BOP1: variants seen among roughly 807,000 people sequenced by gnomAD.
BOP1 encodes BOP1 ribosomal biogenesis factor, also known as ribosome biogenesis protein BOP1.
A neutral mutation model predicts 82.9 loss-of-function variants in BOP1; 54 were observed. That is an observed-to-expected ratio of 0.65 (90% CI 0.52 to 0.82). The LOEUF (loss-of-function observed/expected upper bound fraction) is 0.82, where lower values mean the gene tolerates loss of function less well. Ranked by LOEUF, BOP1 falls within the 40% of genes least tolerant of loss-of-function variation. The pLI is 0.00. For synonymous variants in BOP1, 566 were observed against 451.1 expected (o/e 1.25, Z -3.23); for missense variants, 1,170 against 1,072.0 (o/e 1.09, Z -1.28).
At chr8:144,270,496 G>A (rs937668029) in intron 3 of BOP1, among the ~76,000 whole-genome samples, 1 of 152,162 alleles carries the variant, frequency 6.6e-6, no homozygotes, top group Non-Finnish European at 1.5e-5. Flanking sequence ...CTGCAGCTTG[G>A]CCAGCCTCAG....
chr8:144,280,628 G>C (rs11986868), intron 2 of BOP1, among the ~76,000 whole-genome samples: 13 of 152,226 alleles, frequency 8.5e-5, no homozygotes, highest in Non-Finnish European at 1.5e-4. Flanking sequence ...CGAGGCAGGC[G>C]GATCAGTTGA....
chr8:144,284,738 C>T (rs1192789728), intron 2 of BOP1, among the ~76,000 whole-genome samples: 1 of 152,190 alleles, frequency 6.6e-6, no homozygotes, highest in Non-Finnish European at 1.5e-5. Context: ...TAGAACACCA[C>T]GTGCAGCTGC....
Position 144,262,448 on chromosome 8 carries a change from CAA to C in BOP1, c.2033_2034del (p.Phe678CysfsTer19), listed in dbSNP as rs1845225194. ...AVAFHPRYPL[F>X]ASGSDDGSVI... The stretch of plus-strand genomic sequence containing the variant: ...ACACTGCCGTCGTCCGAGCCTGACG[CAA>C]AGAGTGGGTACCGCGGGTGGAAGGC... On this transcript the variant is annotated frameshift_variant, in exon 15 of 16. Coordinates refer to ENST00000569669, the MANE Select transcript of BOP1 (RefSeq NM_015201.5). LOFTEE classifies it high-confidence loss of function. 3 of 1,612,934 alleles carry C rather than the reference CAA, an allele frequency of 1.9e-6. No homozygotes were observed. Among genetic ancestry groups the C allele is most frequent in the Non-Finnish European group, 2.5e-6 (3 of 1,179,834 alleles).
intron 2 of BOP1, among the ~76,000 whole-genome samples, chr8:144,287,872 T>C (rs1814924731): frequency 6.6e-6 from 1 of 152,190 alleles, no homozygotes; most frequent in African/African-American, 2.4e-5. Context: ...CATGGTTCCT[T>C]GGCTTCTATC....
chr8:144,285,026 C>T (rs558640354), intron 2 of BOP1, among the ~76,000 whole-genome samples: 4 of 152,300 alleles, frequency 2.6e-5, no homozygotes, highest in South Asian at 2.1e-4. Flanking sequence ...CGCCCCGGGC[C>T]GGTCTGGGTT....
chr8:144,286,655 G>A (rs1814885209), intron 2 of BOP1, among the ~76,000 whole-genome samples: 1 of 152,252 alleles, frequency 6.6e-6, no homozygotes, highest in Non-Finnish European at 1.5e-5. Context: ...GCAGGTGCAT[G>A]AGCGCCACAA....
chr8:144,289,275 G>A lies in BOP1; in HGVS notation c.129C>T (p.Ser43=), dbSNP rs1483094910. The A allele has an allele frequency of 6.2e-7, 1 of 1,613,972 alleles. No individual in the cohort carries two copies. The highest frequency in any genetic ancestry group is 8.5e-7 in the Non-Finnish European group (1 of 1,180,032). The change falls in exon 2 of 16, where the codon AGC becomes AGT. Residue 43 remains serine, a synonymous_variant. Transcript: ENST00000569669. ...EPPLLCTSPL[S]HSTGSDSGVS... is the part of the protein sequence containing the mutation. ...CGCCAGAATCGCTGCCGGTGCTGTGGCTGAGAGGAGAGGTGCAGAGGAGGG... is the reference window on the plus strand; with the variant it reads ...CGCCAGAATCGCTGCCGGTGCTGTGACTGAGAGGAGAGGTGCAGAGGAGGG...
chr8:144,285,837 G>T (rs949970688), intron 2 of BOP1, among the ~76,000 whole-genome samples: 1 of 152,248 alleles, frequency 6.6e-6, no homozygotes, highest in African/African-American at 2.4e-5. Flanking sequence ...CCCACGATGC[G>T]AGTGGGAGGT....
At chr8:144,270,945 G>A (rs1207732333) in intron 3 of BOP1, among the ~76,000 whole-genome samples, 5 of 152,250 alleles carry the variant, frequency 3.3e-5, no homozygotes, top group Non-Finnish European at 7.4e-5. Flanking sequence ...TCCCCGGCCT[G>A]GGGAACGAGC....
rs199980866 is a variant in BOP1, at chr8:144,289,140, G to A, written c.264C>T (p.Asp88=). The change falls in exon 2 of 16, where the codon GAC becomes GAT. Residue 88 remains aspartate (D), a synonymous_variant. Coordinates refer to ENST00000569669, the MANE Select transcript of BOP1 (RefSeq NM_015201.5). ...DEEGEDGALD[D]EGHSGIKKTT... Reference sequence around the variant, plus strand: ...TCTTTTTAATCCCACTGTGGCCCTCGTCATCAAGGGCTCCGTCCTCTCCCT... The same window carrying A: ...TCTTTTTAATCCCACTGTGGCCCTCATCATCAAGGGCTCCGTCCTCTCCCT... 4.4e-5 allele frequency: 71 copies of A among 1,614,118 alleles called. No homozygotes were observed. The highest frequency in any genetic ancestry group is 5.2e-5 in the Non-Finnish European group (61 of 1,180,012).
At chr8:144,288,087 G>GA (rs1554839646) in intron 2 of BOP1, among the ~76,000 whole-genome samples, 1 of 151,268 alleles carries the variant, frequency 6.6e-6, no homozygotes, top group Non-Finnish European at 1.5e-5. Context: ...CCAACATGGT[G>GA]AAACCCCGTC....
Position 144,263,141 on chromosome 8 carries a change from G to A in BOP1, c.1606C>T (p.Pro536Ser). The A allele has an allele frequency of 1.3e-6, 2 of 1,593,732 alleles. No homozygotes were observed. The highest frequency in any genetic ancestry group is 1.7e-6 in the Non-Finnish European group (2 of 1,178,800). ...CCGTGCCAGGTCACCTGCGTCACTG[G>A]CTGCAGGAGAGCAAGGCTGGCTGAG... ...GLRLRICHGKPVTQVTWHGRG... is the reference protein window; with the variant it reads ...GLRLRICHGKSVTQVTWHGRG... Residue 536 changes from proline to serine, a missense_variant and splice_region_variant, in exon 13 of 16, where the codon CCA becomes TCA. Pro to Ser is a moderately conservative substitution (Grantham distance 74). Transcript: ENST00000569669.
intron 3 of BOP1, among the ~76,000 whole-genome samples, chr8:144,273,668 C>A (rs1376047335): frequency 2.0e-5 from 3 of 152,220 alleles, no homozygotes; most frequent in African/African-American, 4.8e-5. Flanking sequence ...GCCCCTCCAC[C>A]CCGGCCCACC....
chr8:144,267,096 G>A, intron 3 of BOP1: 1 of 1,403,806 alleles, frequency 7.1e-7, no homozygotes, highest in South Asian at 1.6e-5. Context: ...CCCCGCCGCC[G>A]CCCCCGCCGC....
intron 13 of BOP1, 70 bp downstream of exon 13, chr8:144,262,783 C>T: frequency 7.8e-7 from 1 of 1,274,790 alleles, no homozygotes; most frequent in Non-Finnish European, 1.1e-6. Flanking sequence ...TACCCCCACC[C>T]CTCACCTGCA....
chr8:144,277,828 G>A (rs1554838470), intron 2 of BOP1, among the ~76,000 whole-genome samples: 5 of 152,140 alleles, frequency 3.3e-5, no homozygotes, highest in South Asian at 2.1e-4. Context: ...GCGGGCAGGG[G>A]CGGCCACTGC....
chr8:144,274,176 G>A (rs1231613619), intron 3 of BOP1, among the ~76,000 whole-genome samples: 6 of 151,544 alleles, frequency 4.0e-5, no homozygotes, highest in Admixed American at 2.0e-4. Context: ...TGAGATCGCC[G>A]CTCGCAGGAG....
intron 3 of BOP1, among the ~76,000 whole-genome samples, chr8:144,268,665 C>T (rs1019671975): frequency 2.0e-5 from 3 of 152,304 alleles, no homozygotes; most frequent in Non-Finnish European, 4.4e-5. Flanking sequence ...ATGGGCTTAG[C>T]TCACCCACAG....
intron 3 of BOP1, among the ~76,000 whole-genome samples, chr8:144,272,497 C>A (rs1698548864): frequency 6.6e-6 from 1 of 152,186 alleles, no homozygotes; most frequent in Non-Finnish European, 1.5e-5. Flanking sequence ...CCTCCAATGC[C>A]TTCCCCGGCT....
Sources: gnomAD v4.1 joint callset for allele counts (sites outside exome capture counted in the v4.1 genomes callset) on GRCh38, gnomAD v4.1.1 for gene constraint, MANE v1.5 for transcripts, NCBI Gene and HGNC (gene_info 2026-07-23, HGNC 2026-07-21) for gene names.